Variants in THOC2 observed in about 807,000 individuals in gnomAD.
THOC2 encodes THO complex subunit 2, also known as THO complex 2.
THOC2 carries 10 observed loss-of-function variants against 128.4 expected under a neutral mutation model. That is an observed-to-expected ratio of 0.08 (90% CI 0.05 to 0.13). The LOEUF is 0.13. Among genes scored for constraint, THOC2 ranks in the 10% least tolerant of loss-of-function variants. THOC2 has a pLI of 1.00. For missense variants in THOC2, 535 were observed against 1,155.7 expected (o/e 0.46, Z 7.79); for synonymous variants, 393 against 396.9 (o/e 0.99, Z 0.12).
chrX:123,707,965 T>TAAAAAAAAAAA (rs770586957), intron 2 of THOC2, among the ~76,000 whole-genome samples: 1 of 85,535 alleles, frequency 1.2e-5, no homozygotes, highest in Admixed American at 1.3e-4. Flanking sequence ...TCATCTCTAC[T>TAAAAAAAAAAA]AAAAAAAAAA....
chrX:123,668,964 A>G (rs2049153360), intron 9 of THOC2, among the ~76,000 whole-genome samples: 1 of 111,761 alleles, frequency 8.9e-6, no homozygotes, highest in African/African-American at 3.2e-5. Flanking sequence ...GAAGACATTT[A>G]TAAAATAACC....
intron 8 of THOC2, among the ~76,000 whole-genome samples, chrX:123,674,064 G>A (rs1432743852): frequency 1.8e-5 from 2 of 111,905 alleles, no homozygotes; most frequent in African/African-American, 6.5e-5. Context: ...AGATTCTGTT[G>A]TTGTGTGTAA....
At chrX:123,684,935 C>A (rs947265044) in intron 8 of THOC2, among the ~76,000 whole-genome samples, 2 of 112,167 alleles carry the variant, frequency 1.8e-5, no homozygotes. Flanking sequence ...AACAGACACT[C>A]CTCTACACCA....
intron 4 of THOC2, among the ~76,000 whole-genome samples, chrX:123,699,359 T>C (rs1359496574): frequency 8.9e-6 from 1 of 112,179 alleles, no homozygotes; most frequent in Non-Finnish European, 1.9e-5. Context: ...CTGGCCACTG[T>C]AGCTAAGCAC....
chrX:123,723,821 A>G (rs2030574756), intron 1 of THOC2, among the ~76,000 whole-genome samples: 1 of 112,078 alleles, frequency 8.9e-6, no homozygotes, highest in Admixed American at 9.5e-5. Context: ...GGTTAAAAAA[A>G]GAGAAAAATC....
intron 36 of THOC2, 74 bp downstream of exon 36, chrX:123,613,325 T>G (rs750847078): frequency 6.6e-6 from 7 of 1,058,578 alleles, no homozygotes; most frequent in Non-Finnish European, 9.0e-6. Context: ...AGGAAAAAAA[T>G]TCAATATTTG....
chrX:123,651,934 C>A (rs2048375627), intron 12 of THOC2, among the ~76,000 whole-genome samples: 1 of 111,636 alleles, frequency 9.0e-6, no homozygotes, highest in Non-Finnish European at 1.9e-5. Context: ...AGGGACACCA[C>A]CCTAGCTCAT....
At chrX:123,673,970 T>C in intron 8 of THOC2, among the ~76,000 whole-genome samples, 1 of 112,314 alleles carries the variant, frequency 8.9e-6, no homozygotes, top group Non-Finnish European at 1.9e-5. Context: ...AGATGATATT[T>C]TGCATGATTT....
At chrX:123,646,565 A>G (rs1041999304) in intron 12 of THOC2, among the ~76,000 whole-genome samples, 18 of 112,599 alleles carry the variant, frequency 1.6e-4, no homozygotes, top group Admixed American at 4.7e-4. Context: ...GGATATTACC[A>G]CAGGAAAAGT....
At position 123,638,127 on chromosome X, in the gene THOC2, T is replaced by C. The variant is rs777929424; in HGVS notation, c.1841-4A>G. 2.6e-6 allele frequency: 3 copies of C among 1,140,226 alleles called. No homozygotes were observed. The African/African-American group carries it at 5.4e-5, about 21-fold the overall frequency. The allele number at this position is 1,140,226 out of a possible 1,213,427, so 94.0% of individuals were successfully genotyped here. ...GCTAAAGCTTCAATGATACAATCTT[T>C]CATACATTAAGAAAAAACTAAGTCA... On this transcript the variant is annotated splice_polypyrimidine_tract_variant and splice_region_variant and intron_variant, in intron 17 of 38. Coordinates refer to ENST00000245838, the MANE Select transcript of THOC2 (RefSeq NM_001081550.2).
intron 4 of THOC2, among the ~76,000 whole-genome samples, chrX:123,698,089 TAA>T (rs745532091): frequency 3.4e-4 from 29 of 85,296 alleles, no homozygotes; most frequent in African/African-American, 4.7e-4. Context: ...TCAGAGATGC[TAA>T]AAAAAAAAAA....
At chrX:123,607,540 G>A (rs2046523941) in intron 38 of THOC2, among the ~76,000 whole-genome samples, 2 of 108,810 alleles carry the variant, frequency 1.8e-5, no homozygotes, top group African/African-American at 6.7e-5. Context: ...CTGGCCTCAA[G>A]CAATCCTCTT....
chrX:123,661,262 G>A (rs1374507285), intron 12 of THOC2, among the ~76,000 whole-genome samples: 1 of 111,195 alleles, frequency 9.0e-6, no homozygotes, highest in Non-Finnish European at 1.9e-5. Flanking sequence ...AACATCAGTT[G>A]GGCGTGGTGG....
intron 1 of THOC2, among the ~76,000 whole-genome samples, chrX:123,721,392 C>T (rs1354085598): frequency 1.8e-5 from 2 of 108,590 alleles, no homozygotes; most frequent in Non-Finnish European, 3.8e-5. Context: ...AGGCCAGTCT[C>T]GAACTCCTGA....
intron 30 of THOC2, among the ~76,000 whole-genome samples, 186 bp from the exon 31 acceptor site, chrX:123,621,773 T>C (rs1263590938): frequency 8.9e-6 from 1 of 112,449 alleles, no homozygotes; most frequent in Non-Finnish European, 1.9e-5. Flanking sequence ...TCGGGTGCAG[T>C]GGCTCACGCC....
At chrX:123,728,122 A>G (rs1603348960) in intron 1 of THOC2, among the ~76,000 whole-genome samples, 1 of 112,277 alleles carries the variant, frequency 8.9e-6, no homozygotes, top group East Asian at 2.8e-4. Flanking sequence ...GTAGTTAAAT[A>G]AAGTGCTACC....
intron 25 of THOC2, 116 bp downstream of exon 25, chrX:123,625,796 A>G: frequency 2.6e-6 from 2 of 781,477 alleles, no homozygotes; most frequent in Non-Finnish European, 3.7e-6. Context: ...ATTCAAGTTC[A>G]GACACTTGGT....
chrX:123,659,164 T>C (rs1438097486), intron 12 of THOC2, among the ~76,000 whole-genome samples: 1 of 112,136 alleles, frequency 8.9e-6, no homozygotes, highest in African/African-American at 3.2e-5. Flanking sequence ...AAGTTTGGTC[T>C]TTGGGCCAGG....
intron 4 of THOC2, among the ~76,000 whole-genome samples, chrX:123,701,074 C>T (rs1053726460): frequency 4.5e-5 from 5 of 110,252 alleles, no homozygotes; most frequent in Non-Finnish European, 9.5e-5. Flanking sequence ...CTGGATAGGC[C>T]GGGCACGGTA....
Sources: allele counts gnomAD v4.1 joint callset (sites outside exome capture counted in the v4.1 genomes callset), GRCh38; gene constraint gnomAD v4.1.1; transcripts MANE v1.5; gene names NCBI Gene and HGNC (gene_info 2026-07-23, HGNC 2026-07-21).